The following COX7B2 variants were observed in gnomAD, a reference collection of about 807,000 sequenced individuals.
The protein encoded by COX7B2 is cytochrome c oxidase subunit 7B2, mitochondrial.
For synonymous variants in COX7B2, 37 were observed against 32.1 expected (o/e 1.15, Z -0.51); for missense variants, 109 against 95.9 (o/e 1.14, Z -0.57).
chr4:46,773,178 T>A lies in COX7B2; in HGVS notation c.-49-37937A>T, dbSNP rs1258206018. On this transcript the variant is annotated intron_variant, in intron 2 of 2. Coordinates refer to ENST00000355591, the MANE Select transcript of COX7B2 (RefSeq NM_130902.3). ...ATAGAAAAATAGTTTTCTACTGTTATAAGGTAGTATCGTTTGACTGTGTCC... is the reference window on the plus strand; with the variant it reads ...ATAGAAAAATAGTTTTCTACTGTTAAAAGGTAGTATCGTTTGACTGTGTCC... 2.6e-5 allele frequency among the ~76,000 whole-genome samples: 4 copies of A among 152,304 alleles called. No homozygotes were observed. In the South Asian group the frequency reaches 6.2e-4, roughly 24 times the overall value.
chr4:46,760,193 A>C (rs912818464), intron 2 of COX7B2, among the ~76,000 whole-genome samples: 2 of 152,174 alleles, frequency 1.3e-5, no homozygotes, highest in African/African-American at 4.8e-5. Flanking sequence ...TTGACCCAGC[A>C]ATTCCATTAG....
intron 1 of COX7B2, among the ~76,000 whole-genome samples, chr4:46,890,846 A>G (rs1719390174): frequency 6.6e-6 from 1 of 152,226 alleles, no homozygotes; most frequent in African/African-American, 2.4e-5. Context: ...ATTCAGTATA[A>G]TAAGTCACTA....
At position 46,897,408 on chromosome 4, in the gene COX7B2, C is replaced by T. The variant is rs543715539; in HGVS notation, c.-105+11752G>A. On this transcript the variant is annotated intron_variant, in intron 1 of 2. Transcript: ENST00000355591. ...TCTTTCTCTCTGTCTCAGGAGAATG[C>T]TAAGTGTGTCCCCTCTTGAGTATTA... Among the ~76,000 whole-genome samples, 4 of 152,326 alleles carry T rather than the reference C, an allele frequency of 2.6e-5. No individual in the cohort carries two copies. In the East Asian group the frequency reaches 5.8e-4, roughly 22 times the overall value.
chr4:46,899,866 T>A (rs564320727), intron 1 of COX7B2, among the ~76,000 whole-genome samples: 2 of 152,170 alleles, frequency 1.3e-5, no homozygotes, highest in South Asian at 4.1e-4. Flanking sequence ...TGTTAACAGG[T>A]TTATGAAGCA....
intron 1 of COX7B2, among the ~76,000 whole-genome samples, chr4:46,906,716 A>G (rs1035871969): frequency 2.0e-5 from 3 of 152,214 alleles, no homozygotes; most frequent in Non-Finnish European, 4.4e-5. Flanking sequence ...GAATTTACTA[A>G]AAGTATCTAC....
At chr4:46,771,764 C>G (rs561433574) in intron 2 of COX7B2, among the ~76,000 whole-genome samples, 2 of 152,142 alleles carry the variant, frequency 1.3e-5, no homozygotes, top group East Asian at 3.9e-4. Context: ...ACAACAATAA[C>G]AACAACAAAT....
At chr4:46,749,089 C>T (rs1358100433) in intron 2 of COX7B2, among the ~76,000 whole-genome samples, 3 of 152,046 alleles carry the variant, frequency 2.0e-5, no homozygotes, top group South Asian at 2.1e-4. Context: ...ATGTTTCATC[C>T]TTTATGATTT....
chr4:46,789,739 A>G (rs1222938173), intron 2 of COX7B2, among the ~76,000 whole-genome samples: 1 of 151,956 alleles, frequency 6.6e-6, no homozygotes, highest in Non-Finnish European at 1.5e-5. Flanking sequence ...TCGTTTTTTC[A>G]GTTTATTTAT....
intron 2 of COX7B2, among the ~76,000 whole-genome samples, chr4:46,842,454 GGTTT>G (rs1458557193): frequency 6.6e-6 from 1 of 151,958 alleles, no homozygotes; most frequent in Non-Finnish European, 1.5e-5. Flanking sequence ...ACAACTTGCA[GGTTT>G]GTTACATATG....
intron 2 of COX7B2, among the ~76,000 whole-genome samples, chr4:46,756,752 G>A (rs781054520): frequency 5.3e-5 from 8 of 151,918 alleles, no homozygotes; most frequent in Non-Finnish European, 8.8e-5. Flanking sequence ...AGATACTATC[G>A]TATAGCAGTC....
At chr4:46,864,802 G>A (rs2109808970) in intron 1 of COX7B2, among the ~76,000 whole-genome samples, 1 of 152,060 alleles carries the variant, frequency 6.6e-6, no homozygotes, top group Non-Finnish European at 1.5e-5. Context: ...CGGCCACCAC[G>A]CCCGGCTAAT....
chr4:46,831,726 A>G (rs1203728712), intron 2 of COX7B2, among the ~76,000 whole-genome samples: 1 of 152,106 alleles, frequency 6.6e-6, no homozygotes, highest in Non-Finnish European at 1.5e-5. Context: ...TGATACACCA[A>G]TCAGCACTCT....
At chr4:46,789,241 T>C (rs1038390172) in intron 2 of COX7B2, among the ~76,000 whole-genome samples, 1 of 152,142 alleles carries the variant, frequency 6.6e-6, no homozygotes, top group African/African-American at 2.4e-5. Context: ...CTTTGACTAT[T>C]TAATTGTCTA....
intron 2 of COX7B2, among the ~76,000 whole-genome samples, chr4:46,784,550 G>A (rs879263947): frequency 1.3e-5 from 2 of 152,194 alleles, no homozygotes; most frequent in East Asian, 1.9e-4. Context: ...GTTTGAACCC[G>A]GGAGGCGGAG....
chr4:46,902,082 C>T (rs1720101653), intron 1 of COX7B2, among the ~76,000 whole-genome samples: 1 of 152,084 alleles, frequency 6.6e-6, no homozygotes, highest in African/African-American at 2.4e-5. Flanking sequence ...TCTGGAGAAC[C>T]CTGCCTAATA....
At chr4:46,900,490 G>C (rs576379083) in intron 1 of COX7B2, among the ~76,000 whole-genome samples, 1 of 152,142 alleles carries the variant, frequency 6.6e-6, no homozygotes, top group African/African-American at 2.4e-5. Context: ...GTAAGAACTG[G>C]TGGCAGGGGA....
intron 2 of COX7B2, among the ~76,000 whole-genome samples, chr4:46,764,967 A>G (rs115193750): frequency 0.015 from 2,312 of 152,196 alleles, 29 homozygotes; most frequent in South Asian, 0.035. Context: ...AGAAAAAAAG[A>G]TAAATCCTTA....
In COX7B2 at chr4:46,787,939, T is replaced by G. The variant is rs190651302; in HGVS notation, c.-49-52698A>C. Among the ~76,000 whole-genome samples, 186 of 152,306 alleles carry G rather than the reference T, an allele frequency of 1.2e-3. 1 individual carries two copies. Among genetic ancestry groups the G allele is most frequent in the African/African-American group, 4.2e-3 (176 of 41,562 alleles). On this transcript the variant is annotated intron_variant, in intron 2 of 2. Coordinates refer to ENST00000355591, the MANE Select transcript of COX7B2 (RefSeq NM_130902.3). ...TGTCTTCTCACTTACTCAATTTATC[T>G]AGGATAGCTTGCAGTCTTAACATGT... is the stretch of plus-strand genomic sequence containing the variant.
chr4:46,868,552 G>C (rs1027569338), intron 1 of COX7B2, among the ~76,000 whole-genome samples: 2 of 152,160 alleles, frequency 1.3e-5, no homozygotes, highest in African/African-American at 4.8e-5. Flanking sequence ...GTGTCCCAGA[G>C]ATTCTGGTAT....
Sources: allele counts gnomAD v4.1 joint callset (sites outside exome capture counted in the v4.1 genomes callset), GRCh38; gene constraint gnomAD v4.1.1; transcripts MANE v1.5; gene names NCBI Gene and HGNC (gene_info 2026-07-23, HGNC 2026-07-21).